The following PSMC5 variants were observed in gnomAD, a reference collection of about 807,000 sequenced individuals.
PSMC5 encodes the protein proteasome 26S subunit, ATPase 5, also known as 26S proteasome regulatory subunit 8.
Under a neutral mutation model 49.1 loss-of-function variants are expected in PSMC5, and 11 were observed. The observed-to-expected ratio is 0.22, with a 90% CI of 0.14 to 0.37. The LOEUF (loss-of-function observed/expected upper bound fraction) is 0.37. Ranked by LOEUF, PSMC5 falls within the 10% of genes least tolerant of loss-of-function variation. The pLI, the probability that PSMC5 is intolerant of heterozygous loss-of-function variation, is 1.00. For missense variants in PSMC5, 229 were observed against 520.9 expected, an observed-to-expected ratio of 0.44 and a Z score of 5.45; for synonymous variants, 206 against 192.2, an observed-to-expected ratio of 1.07 and a Z score of -0.59.
chr17:63,829,270 C>A (rs1483171508), intron 2 of PSMC5: 3 of 495,186 alleles, frequency 6.1e-6, no homozygotes, highest in Admixed American at 3.5e-5. Context: ...TACTCCTGGA[C>A]CAGTATTGGA....
chr17:63,827,596 G>C, intron 1 of PSMC5, 82 bp downstream of exon 1: 1 of 1,550,436 alleles, frequency 6.4e-7, no homozygotes, highest in South Asian at 1.2e-5. Context: ...GCGGGCCGGG[G>C]CAGGAGCGTC....
At chr17:63,829,409 T>C (rs907655921) in intron 2 of PSMC5, 85 bp from the exon 3 acceptor site, 2 of 1,247,450 alleles carry the variant, frequency 1.6e-6, no homozygotes, top group Admixed American at 4.0e-5. Flanking sequence ...CTCAGCTCAT[T>C]CAGACCTGTG....
At position 63,830,267 on chromosome 17, in the gene PSMC5, C is replaced by G. The variant is rs1184622777; in HGVS notation, c.322-4C>G. The G allele has an allele frequency of 6.2e-7, 1 of 1,614,082 alleles. No homozygotes were observed. The highest frequency in any genetic ancestry group is 1.7e-5 in the Admixed American group (1 of 60,008). On this transcript the variant is annotated splice_region_variant and splice_polypyrimidine_tract_variant and intron_variant, in intron 5 of 11. Coordinates refer to ENST00000310144, the MANE Select transcript of PSMC5 (RefSeq NM_002805.6). The surrounding 1 kb of genome is among the most constrained non-coding windows in gnomAD (Gnocchi z 4.0). ...CACTTCTGAAACTCGCCCCCTTCACCCAGGTGACACCCAATTGCCGGGTGG... is the reference window on the plus strand; with the variant it reads ...CACTTCTGAAACTCGCCCCCTTCACGCAGGTGACACCCAATTGCCGGGTGG...
rs1567756906 is a variant in PSMC5, at chr17:63,829,394, C to T, written c.97-100C>T. 8.4e-6 allele frequency: 9 copies of T among 1,066,338 alleles called. No individual in the cohort carries two copies. In the South Asian group the frequency reaches 1.1e-4, roughly 13 times the overall value. The allele number at this position is 1,066,338 out of a possible 1,614,324, so 66.1% of individuals were successfully genotyped here. ...AAACAACATGCAGGTGCCCTGTGCC[C>T]TTCCCTCAGCTCATTCAGACCTGTG... On this transcript the variant is annotated intron_variant, in intron 2 of 11. Transcript: ENST00000310144.
chr17:63,830,026 A>G lies in PSMC5; in HGVS notation c.264+77A>G, dbSNP rs961859056. ...CCCTTTGTGTGTAGCCTCGGGAGAC[A>G]GGGTTCTGTGTTCTGTCAAGGTATT... On this transcript the variant is annotated intron_variant, in intron 4 of 11. Coordinates refer to ENST00000310144, the MANE Select transcript of PSMC5 (RefSeq NM_002805.6). The surrounding 1 kb of genome is among the most constrained non-coding windows in gnomAD (Gnocchi z 4.0). 1.6e-5 allele frequency: 25 copies of G among 1,561,692 alleles called. No individual in the cohort carries two copies. The highest frequency in any genetic ancestry group is 2.1e-5 in the Non-Finnish European group (24 of 1,147,760).
At chr17:63,828,343 C>G (rs1474851398) in intron 2 of PSMC5, 134 bp downstream of exon 2, 1 of 829,862 alleles carries the variant, frequency 1.2e-6, no homozygotes, top group African/African-American at 1.7e-5. Context: ...TGTTTCTTAG[C>G]TAGTAGGGTG....
chr17:63,827,597 C>CA, intron 1 of PSMC5, 83 bp downstream of exon 1: 1 of 1,550,006 alleles, frequency 6.5e-7, no homozygotes, highest in Non-Finnish European at 8.7e-7. Flanking sequence ...CGGGCCGGGG[C>CA]AGGAGCGTCG....
Position 63,828,179 on chromosome 17 carries a change from A to T in PSMC5, c.66A>T (p.Gln22His). Residue 22 changes from glutamine to histidine, a missense_variant, in exon 2 of 12, where the codon CAA (glutamine) becomes CAT (histidine). Around this residue, in one of 4 missense-constraint regions of PSMC5, gnomAD observed 98 missense variants for 144.0 expected, o/e 0.68. Coordinates refer to ENST00000310144, the MANE Select transcript of PSMC5 (RefSeq NM_002805.6). ...GGAAGGCAGGCAGCGGACTCCGCCAATATTATCTGTCCAAGATTGAAGAAC... is the reference window on the plus strand; with the variant it reads ...GGAAGGCAGGCAGCGGACTCCGCCATTATTATCTGTCCAAGATTGAAGAAC... ...EEGKAGSGLRQYYLSKIEELQ... is the reference protein window; with the variant it reads ...EEGKAGSGLRHYYLSKIEELQ... The T allele has an allele frequency of 6.2e-7, 1 of 1,614,146 alleles. No individual in the cohort carries two copies. Among genetic ancestry groups the T allele is most frequent in the Non-Finnish European group, 8.5e-7 (1 of 1,180,024 alleles).
At position 63,831,055 on chromosome 17, in the gene PSMC5, G is replaced by A. The variant is rs771780322; in HGVS notation, c.699G>A (p.Glu233=). 3.2e-6 allele frequency: 5 copies of A among 1,570,428 alleles called. No homozygotes were observed. Among genetic ancestry groups the A allele is most frequent in the Non-Finnish European group, 3.5e-6 (4 of 1,156,474 alleles). Residue 233 remains glutamate (E), a synonymous_variant, in exon 8 of 12, where the codon GAG becomes GAA. Coordinates refer to ENST00000310144, the MANE Select transcript of PSMC5 (RefSeq NM_002805.6). The surrounding 1 kb of genome is among the most constrained non-coding windows in gnomAD (Gnocchi z 6.3). Reference sequence around the variant, plus strand: ...ACACAGGGGCAAGAATGGTGAGGGAGCTGTTTGTCATGGCACGGGAACATG... The same window carrying A: ...ACACAGGGGCAAGAATGGTGAGGGAACTGTTTGTCATGGCACGGGAACATG... ...FIGEGARMVR[E]LFVMAREHAP...
chr17:63,830,837 C>G lies in PSMC5; in HGVS notation c.581C>G (p.Thr194Ser). 6.2e-7 allele frequency: 1 copy of G among 1,614,144 alleles called. No individual in the cohort carries two copies. The highest frequency in any genetic ancestry group is 8.5e-7 in the Non-Finnish European group (1 of 1,180,022). Residue 194 changes from threonine (T) to serine (S), a missense_variant, in exon 7 of 12, where the codon ACT (threonine) becomes AGT (serine). Transcript: ENST00000310144. This position sits in a 1 kb window ranked among gnomAD's most constrained non-coding sequence, Gnocchi z 4.0. ...GTGCTGCTGTATGGACCTCCAGGCA[C>G]TGGGAAGACACTGTTGGCCCGGGCT... ...KGVLLYGPPG[T>S]GKTLLARAVA...
intron 1 of PSMC5, 66 bp from the exon 2 acceptor site, chr17:63,828,071 GC>G: frequency 3.2e-6 from 5 of 1,569,280 alleles, no homozygotes; most frequent in Non-Finnish European, 4.4e-6. Flanking sequence ...TATTCAAAGT[GC>G]CCTGCAAGTG....
Position 63,831,440 on chromosome 17 carries a change from C to T in PSMC5, c.969+15C>T. 2 of 1,613,370 alleles carry T rather than the reference C, an allele frequency of 1.2e-6. No individual in the cohort carries two copies. Among genetic ancestry groups the T allele is most frequent in the Non-Finnish European group, 8.5e-7 (1 of 1,179,402 alleles). On this transcript the variant is annotated intron_variant, in intron 9 of 11. Coordinates refer to ENST00000310144, the MANE Select transcript of PSMC5 (RefSeq NM_002805.6). This position sits in a 1 kb window ranked among gnomAD's most constrained non-coding sequence, Gnocchi z 6.3. ...CCAATGAGGAGGTTTGTGATGGACA[C>T]TGTGCAAAGTGGCTCTGGCTGTGGG...
rs1443355422 is a variant in PSMC5 at position 63,827,481 on chromosome 17, AAG to A, written c.-4_-3del. 5 of 1,551,590 alleles carry A rather than the reference AAG, an allele frequency of 3.2e-6. No homozygotes were observed. In the African/African-American group the frequency reaches 6.8e-5, roughly 21 times the overall value. ...GCTCGGATGCCGGCGGTCTCTGCTG[AAG>A]AGAGAAGATGGCGCTTGACGGACCA... is the stretch of plus-strand genomic sequence containing the variant. On this transcript the variant is annotated 5_prime_UTR_variant, in exon 1 of 12. Transcript: ENST00000310144.
rs766600542 is a variant in PSMC5 at position 63,831,242 on chromosome 17, C to G, written c.870+16C>G. The G allele has an allele frequency of 1.3e-6, 2 of 1,596,184 alleles. No homozygotes were observed. Among genetic ancestry groups the G allele is most frequent in the South Asian group, 2.2e-5 (2 of 89,370 alleles). On this transcript the variant is annotated intron_variant, in intron 8 of 11. Transcript: ENST00000310144. The surrounding 1 kb of genome is among the most constrained non-coding windows in gnomAD (Gnocchi z 6.3). The stretch of plus-strand genomic sequence containing the variant: ...GAACATCAAGGTAAGGTGGTAGCAT[C>G]CTTGGGATGGGCCCAGGGAAGGCCT...
chr17:63,828,841 A>AGTT (rs1555578061), intron 2 of PSMC5: 1 of 153,948 alleles, frequency 6.5e-6, no homozygotes, highest in Admixed American at 6.4e-5. Context: ...GGCTGTTAGT[A>AGTT]GTTTAACTTT....
At chr17:63,829,441 C>G in intron 2 of PSMC5, 53 bp from the exon 3 acceptor site, 1 of 1,516,772 alleles carries the variant, frequency 6.6e-7, no homozygotes, top group Non-Finnish European at 9.0e-7. Flanking sequence ...AAGATCCTAC[C>G]TCCTCCTGTC....
At position 63,831,699 on chromosome 17, in the gene PSMC5, G is replaced by C; in HGVS notation, c.1081-25G>C. On this transcript the variant is annotated intron_variant, in intron 10 of 11. Coordinates refer to ENST00000310144, the MANE Select transcript of PSMC5 (RefSeq NM_002805.6). The surrounding 1 kb of genome is among the most constrained non-coding windows in gnomAD (Gnocchi z 6.3). ...CACAGATGAGGGGCACAGCAGTGGG[G>C]CCTCAATTTCCTTTTCCTGTTCAGG... The C allele has an allele frequency of 6.2e-7, 1 of 1,613,974 alleles. No homozygotes were observed. The highest frequency in any genetic ancestry group is 1.1e-5 in the South Asian group (1 of 91,080).
chr17:63,831,165 A>T lies in PSMC5; in HGVS notation c.809A>T (p.Gln270Leu). 6.4e-7 allele frequency: 1 copy of T among 1,561,476 alleles called. No homozygotes were observed. The highest frequency in any genetic ancestry group is 8.7e-7 in the Non-Finnish European group (1 of 1,153,270). The change falls in exon 8 of 12, where the codon CAG becomes CTG. Residue 270 changes from glutamine (Q) to leucine (L), a missense_variant. Transcript: ENST00000310144. This position sits in a 1 kb window ranked among gnomAD's most constrained non-coding sequence, Gnocchi z 6.3. ...EGGSGGDSEV[Q>L]RTMLELLNQL... Reference sequence around the variant, plus strand: ...GGTTCTGGAGGGGACAGTGAAGTGCAGCGCACGATGCTGGAGTTGCTCAAC... The same window carrying T: ...GGTTCTGGAGGGGACAGTGAAGTGCTGCGCACGATGCTGGAGTTGCTCAAC...
intron 1 of PSMC5, 122 bp downstream of exon 1, chr17:63,827,636 A>G: frequency 1.3e-6 from 2 of 1,523,276 alleles, no homozygotes; most frequent in Non-Finnish European, 1.8e-6. Flanking sequence ...GGACCAGTCC[A>G]TGCTGGACGC....
Sources: allele counts gnomAD v4.1 joint callset, GRCh38; gene constraint gnomAD v4.1.1; regional missense constraint gnomAD v4.1.1; non-coding constraint Gnocchi (gnomAD v3.1); transcripts MANE v1.5; gene names NCBI Gene and HGNC (gene_info 2026-07-23, HGNC 2026-07-21).